MAMDC2: variants seen among roughly 807,000 people sequenced by gnomAD.
MAMDC2 encodes the protein MAM domain containing 2.
Under a neutral mutation model 89.8 loss-of-function variants are expected in MAMDC2, and 57 were observed. That is an observed-to-expected ratio of 0.63 (90% CI 0.51 to 0.79). The LOEUF (loss-of-function observed/expected upper bound fraction) is 0.79, where lower values mean the gene tolerates loss of function less well. MAMDC2 is among the 30% of genes least tolerant of loss of function. The pLI, the probability that MAMDC2 is intolerant of heterozygous loss-of-function variation, is 0.00. For synonymous variants in MAMDC2, 313 were observed against 293.4 expected (o/e 1.07, Z -0.68); for missense variants, 800 against 820.6 (o/e 0.97, Z 0.31).
chr9:70,183,117 T>C (rs1380967498), intron 11 of MAMDC2, among the ~76,000 whole-genome samples: 4 of 152,188 alleles, frequency 2.6e-5, no homozygotes, highest in Non-Finnish European at 5.9e-5. Context: ...CCAGTAGTCA[T>C]TCAGGAGCGG....
chr9:70,109,818 A>AT lies in MAMDC2; in HGVS notation c.505+18dup. On this transcript the variant is annotated intron_variant, in intron 4 of 13. Transcript: ENST00000377182. ...GCTACTGTATTGGTAAGTGGGCTTC[A>AT]TTTTCATTAAATCAAATTGTGAATC... is the stretch of plus-strand genomic sequence containing the variant. 7 of 1,595,114 alleles carry AT rather than the reference A, an allele frequency of 4.4e-6. No homozygotes were observed. Among genetic ancestry groups the AT allele is most frequent in the Non-Finnish European group, 6.0e-6 (7 of 1,163,222 alleles).
intron 11 of MAMDC2, among the ~76,000 whole-genome samples, chr9:70,183,829 A>T (rs747596831): frequency 2.0e-5 from 3 of 152,114 alleles, no homozygotes; most frequent in Non-Finnish European, 4.4e-5. Flanking sequence ...TAATTGGGGC[A>T]TTTAGCCCGT....
At chr9:70,164,538 TACA>T (rs2032101605) in intron 9 of MAMDC2, among the ~76,000 whole-genome samples, 1 of 152,196 alleles carries the variant, frequency 6.6e-6, no homozygotes, top group Non-Finnish European at 1.5e-5. Context: ...GACATTGATT[TACA>T]TAAATTTAAT....
At chr9:70,052,266 C>T (rs1390019061) in intron 2 of MAMDC2, among the ~76,000 whole-genome samples, 7 of 152,190 alleles carry the variant, frequency 4.6e-5, no homozygotes, top group Non-Finnish European at 1.0e-4. Flanking sequence ...GTGCAAAATG[C>T]CTTGTTTGGC....
In MAMDC2 at chr9:70,195,157, AT is replaced by A. The variant is rs539512447; in HGVS notation, c.1652-23179del. Among the ~76,000 whole-genome samples the A allele has an allele frequency of 4.3e-3, 651 of 152,266 alleles. 4 individuals are homozygous for A. The highest frequency in any genetic ancestry group is 0.013 in the African/African-American group (560 of 41,546). ...AGTACAAATATGGACAGGCAAAAAA[AT>A]ATCACAAAAACTTTTGTATGACTAA... On this transcript the variant is annotated intron_variant, in intron 11 of 13. Transcript: ENST00000377182.
intron 11 of MAMDC2, among the ~76,000 whole-genome samples, chr9:70,211,414 G>C (rs4410968): frequency 2.0e-5 from 3 of 151,714 alleles, no homozygotes; most frequent in Non-Finnish European, 4.4e-5. Flanking sequence ...CCATTTCATC[G>C]AATCAGCTAC....
intron 2 of MAMDC2, among the ~76,000 whole-genome samples, chr9:70,067,047 T>A (rs1827283966): frequency 6.6e-6 from 1 of 152,128 alleles, no homozygotes; most frequent in Admixed American, 6.5e-5. Flanking sequence ...AAGGGAAGAA[T>A]CAGGACTGGA....
chr9:70,151,268 C>A (rs2031570944), intron 9 of MAMDC2, among the ~76,000 whole-genome samples: 1 of 152,208 alleles, frequency 6.6e-6, no homozygotes, highest in African/African-American at 2.4e-5. Flanking sequence ...CAGATTACTC[C>A]CCATTAGTTT....
At chr9:70,056,083 T>G (rs1284798005) in intron 2 of MAMDC2, among the ~76,000 whole-genome samples, 2 of 152,158 alleles carry the variant, frequency 1.3e-5, no homozygotes, top group Non-Finnish European at 2.9e-5. Flanking sequence ...AGAGCTGAAG[T>G]GTTATTTGGG....
chr9:70,069,585 C>T (rs553577282), intron 2 of MAMDC2, among the ~76,000 whole-genome samples: 1 of 152,282 alleles, frequency 6.6e-6, no homozygotes, highest in South Asian at 2.1e-4. Context: ...TTGAAAGCTA[C>T]TTTGTTCCTT....
At chr9:70,117,855 C>T (rs1396767463) in intron 5 of MAMDC2, among the ~76,000 whole-genome samples, 1 of 152,206 alleles carries the variant, frequency 6.6e-6, no homozygotes, top group Non-Finnish European at 1.5e-5. Context: ...TACATTATGG[C>T]ATTTCTCAGA....
intron 8 of MAMDC2, 44 bp downstream of exon 8, chr9:70,140,332 T>G (rs779922459): frequency 2.5e-5 from 39 of 1,531,564 alleles, no homozygotes; most frequent in Non-Finnish European, 3.2e-5. Flanking sequence ...TGGGTAGTCG[T>G]GAGCTTTATT....
At chr9:70,150,050 G>A (rs897199315) in intron 9 of MAMDC2, among the ~76,000 whole-genome samples, 1 of 152,146 alleles carries the variant, frequency 6.6e-6, no homozygotes, top group African/African-American at 2.4e-5. Context: ...CTTTTTCATT[G>A]TGAGTGACTC....
intron 5 of MAMDC2, among the ~76,000 whole-genome samples, chr9:70,122,200 A>C (rs1465539606): frequency 1.3e-5 from 2 of 152,198 alleles, no homozygotes; most frequent in Non-Finnish European, 2.9e-5. Context: ...GTTCTGTATG[A>C]GACTTAGTGT....
rs1826787199 is a variant in MAMDC2 at position 70,047,645 on chromosome 9, T to C, written c.148+2948T>C. ...GGTTCCATGTCTTTGCTATTGTAAA[T>C]AGTGCTGCAATAAACATATGTGCCA... is the stretch of plus-strand genomic sequence containing the variant. On this transcript the variant is annotated intron_variant, in intron 2 of 13. Coordinates refer to ENST00000377182, the MANE Select transcript of MAMDC2 (RefSeq NM_153267.5). 2.0e-5 allele frequency among the ~76,000 whole-genome samples: 3 copies of C among 152,340 alleles called. 1 individual carries two copies. The South Asian group carries it at 6.2e-4, about 32-fold the overall frequency.
At chr9:70,048,402 G>A (rs1367904125) in intron 2 of MAMDC2, among the ~76,000 whole-genome samples, 2 of 152,156 alleles carry the variant, frequency 1.3e-5, no homozygotes, top group Non-Finnish European at 2.9e-5. Flanking sequence ...AGCCTCTGGA[G>A]TAACTGGGGC....
chr9:70,141,625 T>G (rs1169070073), intron 8 of MAMDC2, among the ~76,000 whole-genome samples: 1 of 152,188 alleles, frequency 6.6e-6, no homozygotes, highest in Non-Finnish European at 1.5e-5. Flanking sequence ...AAATTTTATT[T>G]AATATTTTGA....
At chr9:70,112,376 C>T (rs1450789485) in intron 4 of MAMDC2, among the ~76,000 whole-genome samples, 1 of 152,072 alleles carries the variant, frequency 6.6e-6, no homozygotes, top group Non-Finnish European at 1.5e-5. Flanking sequence ...GGACCAGAAC[C>T]TAGGATATAT....
intron 11 of MAMDC2, among the ~76,000 whole-genome samples, chr9:70,178,975 G>A (rs1587547556): frequency 6.6e-6 from 1 of 152,232 alleles, no homozygotes; most frequent in Non-Finnish European, 1.5e-5. Context: ...TGTCACCCAG[G>A]ATTACCAACA....
Sources: allele counts gnomAD v4.1 joint callset (sites outside exome capture counted in the v4.1 genomes callset), GRCh38; gene constraint gnomAD v4.1.1; transcripts MANE v1.5; gene names NCBI Gene and HGNC (gene_info 2026-07-23, HGNC 2026-07-21).